Variants in SOX6 observed in about 807,000 individuals in gnomAD.
SOX6 encodes the protein transcription factor SOX-6.
In SOX6, 11 loss-of-function variants were observed where a neutral mutation model predicts 97.8. The ratio of observed to expected loss-of-function variants is 0.11; its 90% CI spans 0.07 to 0.19. The LOEUF is 0.19. Among genes scored for constraint, SOX6 ranks in the 10% least tolerant of loss-of-function variants. The pLI, the probability that SOX6 is intolerant of heterozygous loss-of-function variation, is 1.00. For missense variants in SOX6, 810 were observed against 1,039.5 expected (o/e 0.78, Z 3.04); for synonymous variants, 360 against 371.4 (o/e 0.97, Z 0.35).
intron 4 of SOX6, among the ~76,000 whole-genome samples, chr11:16,561,269 G>A (rs1245291498): frequency 6.6e-6 from 1 of 152,118 alleles, no homozygotes; most frequent in African/African-American, 2.4e-5. Flanking sequence ...ATGGAGGGTA[G>A]ATCCACTGCC....
At chr11:16,349,045 T>C (rs1437478330) in intron 1 of SOX6, among the ~76,000 whole-genome samples, 1 of 152,098 alleles carries the variant, frequency 6.6e-6, no homozygotes, top group Admixed American at 6.6e-5. Flanking sequence ...GAAGCTAAAT[T>C]AATATTAAAG....
chr11:16,139,477 A>C (rs1850070872), intron 6 of SOX6, among the ~76,000 whole-genome samples: 1 of 152,194 alleles, frequency 6.6e-6, no homozygotes, highest in African/African-American at 2.4e-5. Flanking sequence ...TCTATTCAAT[A>C]GGATAAATCC....
At chr11:16,717,532 T>C (rs1296985374) in intron 2 of SOX6, among the ~76,000 whole-genome samples, 1 of 152,154 alleles carries the variant, frequency 6.6e-6, no homozygotes, top group African/African-American at 2.4e-5. Context: ...AAAATCATTC[T>C]TGGCTGTTTG....
intron 1 of SOX6, among the ~76,000 whole-genome samples, chr11:16,348,097 A>G (rs1856818280): frequency 6.6e-6 from 1 of 152,006 alleles, no homozygotes; most frequent in Non-Finnish European, 1.5e-5. Context: ...GAGAAAAACA[A>G]CCATGGCTTT....
At chr11:16,669,998 T>C (rs1031040496) in intron 3 of SOX6, among the ~76,000 whole-genome samples, 4 of 152,136 alleles carry the variant, frequency 2.6e-5, no homozygotes, top group African/African-American at 9.7e-5. Flanking sequence ...ATCCCCAGCA[T>C]ACCACAGCTA....
At chr11:16,105,102 A>ACAGT (rs1488096281) in intron 7 of SOX6, among the ~76,000 whole-genome samples, 2 of 152,072 alleles carry the variant, frequency 1.3e-5, no homozygotes, top group Non-Finnish European at 2.9e-5. Flanking sequence ...AAAGAAAGCT[A>ACAGT]CAGTCCACTA....
chr11:16,628,259 A>G (rs115243022), intron 3 of SOX6, among the ~76,000 whole-genome samples: 2,262 of 152,142 alleles, frequency 0.015, 56 homozygotes, highest in African/African-American at 0.049. Flanking sequence ...TTTTCTTAAG[A>G]TTGCTTTGGC....
At chr11:16,136,060 C>T (rs2134030244) in intron 6 of SOX6, among the ~76,000 whole-genome samples, 1 of 152,222 alleles carries the variant, frequency 6.6e-6, no homozygotes, top group East Asian at 1.9e-4. Flanking sequence ...TGCTGTGTCG[C>T]AAGGCTGCAG....
At chr11:16,306,815 G>A (rs775380243) in intron 3 of SOX6, among the ~76,000 whole-genome samples, 4 of 151,584 alleles carry the variant, frequency 2.6e-5, no homozygotes, top group African/African-American at 9.7e-5. Context: ...TAGTAGAGAC[G>A]GGGTTTCACC....
At chr11:16,278,515 GCTTT>G (rs1271823397) in intron 3 of SOX6, among the ~76,000 whole-genome samples, 1 of 152,030 alleles carries the variant, frequency 6.6e-6, no homozygotes, top group African/African-American at 2.4e-5. Flanking sequence ...TAGACGCCAA[GCTTT>G]CTAACAGGCC....
intron 6 of SOX6, among the ~76,000 whole-genome samples, chr11:16,159,217 C>A (rs1309479301): frequency 6.6e-6 from 1 of 152,028 alleles, no homozygotes; most frequent in Admixed American, 6.6e-5. Context: ...ATGCTCCCAG[C>A]TGTGTTTAAA....
At chr11:16,629,117 C>T (rs906124789) in intron 3 of SOX6, among the ~76,000 whole-genome samples, 1 of 152,190 alleles carries the variant, frequency 6.6e-6, no homozygotes, top group African/African-American at 2.4e-5. Context: ...CTGGCTAACA[C>T]TTCCAGTACT....
intron 3 of SOX6, among the ~76,000 whole-genome samples, chr11:16,624,370 T>A (rs1848593965): frequency 6.6e-6 from 1 of 152,022 alleles, no homozygotes; most frequent in Non-Finnish European, 1.5e-5. Flanking sequence ...GTGTTTTTAG[T>A]AGAGATGGGG....
chr11:16,153,983 G>A (rs1004228701), intron 6 of SOX6, among the ~76,000 whole-genome samples: 1 of 152,008 alleles, frequency 6.6e-6, no homozygotes, highest in Non-Finnish European at 1.5e-5. Flanking sequence ...CATGGCTTTG[G>A]GTAATGCTGC....
Position 16,610,128 on chromosome 11 carries a change from C to T in SOX6, n.609+1953G>A, listed in dbSNP as rs1283200870. 3.3e-5 allele frequency among the ~76,000 whole-genome samples: 5 copies of T among 152,126 alleles called. No individual in the cohort carries two copies. Among genetic ancestry groups the T allele is most frequent in the African/African-American group, 1.2e-4 (5 of 41,426 alleles). On this transcript the variant is annotated intron_variant and non_coding_transcript_variant, in intron 4 of 5. Coordinates refer to the SOX6 transcript ENST00000524520. This position sits in a 1 kb window ranked among gnomAD's most constrained non-coding sequence, Gnocchi z 4.4. ...GTGTAAGAGTGTCGTTGGGCCTGTT[C>T]CAGAGCGTTGCACTCCTCAGCTGTC... is the stretch of plus-strand genomic sequence containing the variant.
intron 1 of SOX6, among the ~76,000 whole-genome samples, chr11:16,446,159 G>T (rs142558728): frequency 4.2e-4 from 64 of 152,034 alleles, no homozygotes; most frequent in African/African-American, 1.3e-3. Context: ...AAAGAATGAA[G>T]ATTACAATGG....
chr11:16,107,963 G>A (rs755200004), intron 7 of SOX6, among the ~76,000 whole-genome samples: 5 of 152,048 alleles, frequency 3.3e-5, no homozygotes, highest in East Asian at 1.9e-4. Context: ...CAGTTTCACC[G>A]TCAGACTTTA....
intron 4 of SOX6, among the ~76,000 whole-genome samples, chr11:16,562,754 G>C (rs1374055009): frequency 6.6e-6 from 1 of 152,102 alleles, no homozygotes; most frequent in African/African-American, 2.4e-5. Flanking sequence ...GGAATGCCTA[G>C]TGGAGAGTCA....
chr11:16,533,846 A>C (rs1861271009), intron 4 of SOX6, among the ~76,000 whole-genome samples: 1 of 152,082 alleles, frequency 6.6e-6, no homozygotes, highest in Non-Finnish European at 1.5e-5. Flanking sequence ...ATCAAGTAAA[A>C]ATTCACATAA....
Sources: allele counts gnomAD v4.1 joint callset (sites outside exome capture counted in the v4.1 genomes callset), GRCh38; gene constraint gnomAD v4.1.1; non-coding constraint Gnocchi (gnomAD v3.1); transcripts MANE v1.5; gene names NCBI Gene and HGNC (gene_info 2026-07-23, HGNC 2026-07-21).